GRIN2C: variants seen among roughly 807,000 people sequenced by gnomAD.
The protein encoded by GRIN2C is glutamate receptor ionotropic, NMDA 2C.
Under a neutral mutation model 77.7 loss-of-function variants are expected in GRIN2C, and 64 were observed. The observed-to-expected ratio is 0.82, with a 90% CI of 0.67 to 1.01. The LOEUF (loss-of-function observed/expected upper bound fraction) is 1.01, where lower values mean the gene tolerates loss of function less well. Ranked by LOEUF, GRIN2C falls within the 50% of genes least tolerant of loss-of-function variation. The pLI, the probability that GRIN2C is intolerant of heterozygous loss-of-function variation, is 0.00. For missense variants in GRIN2C, 1,549 were observed against 1,486.0 expected, an observed-to-expected ratio of 1.04 and a Z score of -0.70; for synonymous variants, 792 against 643.4, an observed-to-expected ratio of 1.23 and a Z score of -3.49.
Position 74,842,650 on chromosome 17 carries a change from C to T in GRIN2C, c.3487G>A (p.Ala1163Thr), listed in dbSNP as rs768802500. 4 of 749,346 alleles carry T rather than the reference C, an allele frequency of 5.3e-6. No homozygotes were observed. The highest frequency in any genetic ancestry group is 2.3e-4 in the Middle Eastern group (1 of 4,410). The allele number at this position is 749,346 out of a possible 1,614,324, so 46.4% of individuals were successfully genotyped here. A position where few individuals can be genotyped will look rare whatever the true frequency, so the allele number is the denominator to read the frequency against. ...AHAHLPFCWGAVCPHLPPCAS... is the reference protein window; with the variant it reads ...AHAHLPFCWGTVCPHLPPCAS... ...CAGGGTGGAAGGTGAGGACAGACAGCCCCCCAGCAAAATGGCAGGTGGGCG... is the reference window on the plus strand; with the variant it reads ...CAGGGTGGAAGGTGAGGACAGACAGTCCCCCAGCAAAATGGCAGGTGGGCG... Residue 1163 changes from alanine to threonine, a missense_variant, in exon 13 of 13, where the codon GCT (alanine) becomes ACT (threonine). Ala to Thr is a moderately conservative substitution (Grantham distance 58). Coordinates refer to ENST00000293190, the MANE Select transcript of GRIN2C (RefSeq NM_000835.6).
chr17:74,851,633 G>C lies in GRIN2C; in HGVS notation c.1057C>G (p.Leu353Val), dbSNP rs757386466. ...ATCACCACCATGGTGGGCTGGACCA[G>C]GTACCCACCAGGGCTGAAGGAGAAG... The part of the protein sequence containing the change: ...RDFSFSPGGY[L>V]VQPTMVVIAL... The change falls in exon 4 of 13, where the codon CTG becomes GTG. Residue 353 changes from leucine (L) to valine (V), a missense_variant. Coordinates refer to ENST00000293190, the MANE Select transcript of GRIN2C (RefSeq NM_000835.6). 4.4e-6 allele frequency: 7 copies of C among 1,573,584 alleles called. No homozygotes were observed. The highest frequency in any genetic ancestry group is 1.8e-5 in the Admixed American group (1 of 54,312).
chr17:74,854,849 A>C lies in GRIN2C; in HGVS notation c.244T>G (p.Cys82Gly). Residue 82 changes from cysteine to glycine, a missense_variant, in exon 2 of 13, where the codon TGC (cysteine) becomes GGC (glycine). Cys to Gly is a radical substitution (Grantham distance 159, BLOSUM62 -3). Transcript: ENST00000293190. ...ACGTGGGCAGCACCCAGGAGGCCGC[A>C]GATCTGGGTGAGGAGGCTGCTGGGG... is the stretch of plus-strand genomic sequence containing the variant. ...TNPSSLLTQI[C>G]GLLGAAHVHG... is the part of the protein sequence containing the mutation. 1 of 1,613,558 alleles carries C rather than the reference A, an allele frequency of 6.2e-7. No homozygotes were observed. The highest frequency in any genetic ancestry group is 8.5e-7 in the Non-Finnish European group (1 of 1,179,540).
At chr17:74,854,626 C>G in intron 2 of GRIN2C, 68 bp downstream of exon 2, 1 of 1,413,164 alleles carries the variant, frequency 7.1e-7, no homozygotes, top group Non-Finnish European at 9.8e-7. Context: ...TTCCCAGAAC[C>G]AAAGCACCCC....
At position 74,842,562 on chromosome 17, in the gene GRIN2C, A is replaced by G. The variant is rs766155368; in HGVS notation, c.3575T>C (p.Leu1192Pro). The G allele has an allele frequency of 6.5e-6, 5 of 773,922 alleles. No homozygotes were observed. Among genetic ancestry groups the G allele is most frequent in the Non-Finnish European group, 1.2e-5 (5 of 416,910 alleles). 47.9% of individuals were successfully genotyped at this position (773,922 alleles called of 1,614,324 possible). ...GTCTCTGTAGCCTGTGCCCAGCCCCAGAGTCCTGCCCCTGTGCCCCAGAGG... is the reference window on the plus strand; with the variant it reads ...GTCTCTGTAGCCTGTGCCCAGCCCCGGAGTCCTGCCCCTGTGCCCCAGAGG... ...WGPLGHRGRT[L>P]GLGTGYRDSG... Residue 1192 changes from leucine to proline, a missense_variant, in exon 13 of 13, where the codon CTG becomes CCG. Physicochemically the swap from Leu to Pro is moderately conservative, Grantham distance 98 (BLOSUM62 -3). This residue lies in a region of GRIN2C where 450 missense variants were observed against 267.9 expected (regional missense o/e 1.68). Transcript: ENST00000293190.
rs1347773560 is a variant in GRIN2C at position 74,847,395 on chromosome 17, G to T, written c.1914C>A (p.Ile638=). The change falls in exon 9 of 13, where the codon ATC becomes ATA. Residue 638 remains isoleucine, a synonymous_variant. Transcript: ENST00000293190. The surrounding 1 kb of genome is among the most constrained non-coding windows in gnomAD (Gnocchi z 5.2). ...GGTTGGCCGTGTAGCTGGCGAGGAA[G>T]ATGACAGCAAAGAAGGCCCAGACCA... ...MVLVWAFFAV[I]FLASYTANLA... 1 of 1,613,968 alleles carries T rather than the reference G, an allele frequency of 6.2e-7. No individual in the cohort carries two copies.
Position 74,844,357 on chromosome 17 carries a change from G to A in GRIN2C, c.2502C>T (p.Ala834=), listed in dbSNP as rs2037392866. Residue 834 remains alanine (A), a synonymous_variant, in exon 12 of 13, where the codon GCC becomes GCT. Transcript: ENST00000293190. The part of the protein sequence containing the change: ...VAMGLALLVF[A]WEHLVYWKLR... ...GCTTCCAGTAGACCAGGTGCTCCCA[G>A]GCGAAGACCAGCAGGGCCAGCCCCA... 1 of 1,614,204 alleles carries A rather than the reference G, an allele frequency of 6.2e-7. No individual in the cohort carries two copies. Among genetic ancestry groups the A allele is most frequent in the African/African-American group, 1.3e-5 (1 of 75,038 alleles).
chr17:74,860,868 G>A (rs993611399), upstream of GRIN2C: 29 of 277,620 alleles, frequency 1.0e-4, no homozygotes, highest in South Asian at 9.0e-4. Context: ...TCTGGGCGCC[G>A]AGGCGAGTGC....
chr17:74,861,056 G>T (rs975855791), upstream of GRIN2C, among the ~76,000 whole-genome samples: 26 of 152,276 alleles, frequency 1.7e-4, 1 homozygote, highest in African/African-American at 5.8e-4. Context: ...GCAACAGTTT[G>T]GGTCCGCGGC....
chr17:74,843,120 A>G lies in GRIN2C; in HGVS notation c.3017T>C (p.Val1006Ala). 1 of 426,428 alleles carries G rather than the reference A, an allele frequency of 2.3e-6. No homozygotes were observed. Among genetic ancestry groups the G allele is most frequent in the Non-Finnish European group, 4.1e-6 (1 of 241,584 alleles). The allele number at this position is 426,428 out of a possible 1,614,324, so 26.4% of individuals were successfully genotyped here. Residue 1006 changes from valine to alanine, a missense_variant, in exon 13 of 13, where the codon GTG (valine) becomes GCG (alanine). Val to Ala is a moderately conservative substitution (Grantham distance 64). Transcript: ENST00000293190. ...RRPAWEARWPVRTGHCGRHLS... is the reference protein window; with the variant it reads ...RRPAWEARWPARTGHCGRHLS... ...GTGCCTCCCGCAGTGCCCGGTCCGC[A>G]CCGGCCACCGCGCCTCCCAGGCTGG...
In GRIN2C at chr17:74,849,967, G is replaced by A. The variant is rs1402427120; in HGVS notation, c.1492-34C>T. ...CGGACGCCACGGAGGTTTGAAAAAG[G>A]GGCTCCCGTGGGGTGGACACGCTGC... On this transcript the variant is annotated intron_variant, in intron 6 of 12. Transcript: ENST00000293190. This position sits in a 1 kb window ranked among gnomAD's most constrained non-coding sequence, Gnocchi z 4.6. The A allele has an allele frequency of 6.3e-7, 1 of 1,596,566 alleles. No homozygotes were observed. Among genetic ancestry groups the A allele is most frequent in the Non-Finnish European group, 8.5e-7 (1 of 1,172,830 alleles).
intron 12 of GRIN2C, 56 bp from the exon 13 acceptor site, chr17:74,843,609 CA>C: frequency 6.6e-7 from 1 of 1,521,314 alleles, no homozygotes; most frequent in Non-Finnish European, 8.8e-7. Context: ...AGGGACCCGC[CA>C]CGATTGTCCC....
At chr17:74,844,064 G>A (rs904120922) in intron 12 of GRIN2C, 2 of 941,254 alleles carry the variant, frequency 2.1e-6, no homozygotes, top group South Asian at 1.8e-5. Flanking sequence ...TGTAGAGATG[G>A]GTTTTCGCCA....
Position 74,850,798 on chromosome 17 carries a change from C to G in GRIN2C, c.1114-31G>C. 1.3e-6 allele frequency: 2 copies of G among 1,566,428 alleles called. No individual in the cohort carries two copies. The highest frequency in any genetic ancestry group is 1.7e-6 in the Non-Finnish European group (2 of 1,146,352). On this transcript the variant is annotated intron_variant, in intron 4 of 12. Coordinates refer to ENST00000293190, the MANE Select transcript of GRIN2C (RefSeq NM_000835.6). The surrounding 1 kb of genome is among the most constrained non-coding windows in gnomAD (Gnocchi z 5.3). ...GAGGGTGACAGCCTCAGCCTGGGGC[C>G]TCCAGCCCTACAGCCCCCACCCTCT...
Position 74,849,391 on chromosome 17 carries a change from G to T in GRIN2C, c.1645+389C>A, listed in dbSNP as rs938251936. ...GGACCTGGCTGCCCAACCAATGCCG[G>T]ACTCCTCACCCAGGAAGCAACACAC... On this transcript the variant is annotated intron_variant, in intron 7 of 12. Transcript: ENST00000293190. This position sits in a 1 kb window ranked among gnomAD's most constrained non-coding sequence, Gnocchi z 4.6. Among the ~76,000 whole-genome samples, 1 of 152,108 alleles carries T rather than the reference G, an allele frequency of 6.6e-6. No individual in the cohort carries two copies. Among genetic ancestry groups the T allele is most frequent in the African/African-American group, 2.4e-5 (1 of 41,400 alleles).
At chr17:74,856,808 T>A (rs893953568) in intron 1 of GRIN2C, among the ~76,000 whole-genome samples, 4 of 152,252 alleles carry the variant, frequency 2.6e-5, no homozygotes, top group Admixed American at 2.6e-4. Flanking sequence ...ATCCAAAGCC[T>A]AATGTCTTAC....
chr17:74,843,032 G>A lies in GRIN2C; in HGVS notation c.3105C>T (p.Ala1035=). The change falls in exon 13 of 13, where the codon GCC becomes GCT. Residue 1035 remains alanine, a synonymous_variant. Coordinates refer to ENST00000293190, the MANE Select transcript of GRIN2C (RefSeq NM_000835.6). ...GGAGGAAGGGGCGGCCGGATCGGTC[G>A]GCTCGAGGAAAGGAGCTGTAGTGAC... ...ARCHYSSFPR[A]DRSGRPFLPL... 6.2e-6 allele frequency: 3 copies of A among 487,040 alleles called. No homozygotes were observed. Among genetic ancestry groups the A allele is most frequent in the Admixed American group, 8.7e-5 (2 of 23,080 alleles). The allele number at this position is 487,040 out of a possible 1,614,324, so 30.2% of individuals were successfully genotyped here. A position where few individuals can be genotyped will look rare whatever the true frequency, so the allele number is the denominator to read the frequency against.
At position 74,857,338 on chromosome 17, in the gene GRIN2C, T is replaced by G. The variant is rs183184435; in HGVS notation, c.-15-2231A>C. On this transcript the variant is annotated intron_variant, in intron 1 of 12. Coordinates refer to ENST00000293190, the MANE Select transcript of GRIN2C (RefSeq NM_000835.6). Reference sequence around the variant, plus strand: ...AGCCTTAAGCTAAAGTGCCAGGTGGTAGAATTTCAGGCCAAGAAGACAAGA... The same window carrying G: ...AGCCTTAAGCTAAAGTGCCAGGTGGGAGAATTTCAGGCCAAGAAGACAAGA... Among the ~76,000 whole-genome samples, 42 of 152,160 alleles carry G rather than the reference T, an allele frequency of 2.8e-4. No homozygotes were observed. The East Asian group carries it at 8.1e-3, about 29-fold the overall frequency.
chr17:74,843,977 G>A (rs117941304), intron 12 of GRIN2C: 5 of 521,190 alleles, frequency 9.6e-6, no homozygotes, highest in African/African-American at 1.9e-5. Flanking sequence ...TGGCTCAAGC[G>A]ATCCTCCCAA....
At position 74,852,580 on chromosome 17, in the gene GRIN2C, A is replaced by G. The variant is rs2037694829; in HGVS notation, c.431T>C (p.Val144Ala). ...CACCTGCAGCTGCTGCTCCAGGGAC[A>G]CGCCCAGCTGCAGGAAGGCGGAGCC... ...EPGSAFLQLG[V>A]SLEQQLQVLF... The change falls in exon 3 of 13, where the codon GTG becomes GCG. Residue 144 changes from valine (V) to alanine (A), a missense_variant. Physicochemically the swap from Val to Ala is moderately conservative, Grantham distance 64. This residue lies in a region of GRIN2C where 382 missense variants were observed against 360.0 expected (regional missense o/e 1.06). Coordinates refer to ENST00000293190, the MANE Select transcript of GRIN2C (RefSeq NM_000835.6). 1.4e-6 allele frequency: 2 copies of G among 1,456,878 alleles called. No homozygotes were observed. Among genetic ancestry groups the G allele is most frequent in the African/African-American group, 2.9e-5 (2 of 68,502 alleles). 90.2% of individuals were successfully genotyped at this position (1,456,878 alleles called of 1,614,324 possible). A position where few individuals can be genotyped will look rare whatever the true frequency, so the allele number is the denominator to read the frequency against.
Sources: gnomAD v4.1 joint callset for allele counts (sites outside exome capture counted in the v4.1 genomes callset) on GRCh38, gnomAD v4.1.1 for gene constraint, gnomAD v4.1.1 regional missense constraint, Gnocchi (gnomAD v3.1) non-coding constraint, MANE v1.5 for transcripts, NCBI Gene and HGNC (gene_info 2026-07-23, HGNC 2026-07-21) for gene names.